CACNA1E: variants seen among roughly 807,000 people sequenced by gnomAD.
The protein encoded by CACNA1E is calcium voltage-gated channel subunit alpha1 E.
CACNA1E carries 40 observed loss-of-function variants against 259.2 expected under a neutral mutation model. The ratio of observed to expected loss-of-function variants is 0.15; its 90% confidence interval spans 0.12 to 0.20. The LOEUF is 0.20. Among genes scored for constraint, CACNA1E ranks in the 10% least tolerant of loss-of-function variants. CACNA1E has a pLI of 1.00. For missense variants in CACNA1E, 1,874 were observed against 3,040.1 expected, an observed-to-expected ratio of 0.62 and a Z score of 9.02; for synonymous variants, 1,104 against 1,138.5, an observed-to-expected ratio of 0.97 and a Z score of 0.61.
At chr1:181,374,526 G>A (rs1025783235) in intron 1 of CACNA1E, among the ~76,000 whole-genome samples, 2 of 151,892 alleles carry the variant, frequency 1.3e-5, no homozygotes, top group Admixed American at 6.6e-5. Flanking sequence ...GCAGTGATAC[G>A]ATCATGCCTA....
intron 7 of CACNA1E, among the ~76,000 whole-genome samples, chr1:181,692,008 C>A (rs1558271601): frequency 6.6e-6 from 1 of 152,106 alleles, no homozygotes. Flanking sequence ...AGTAGCATTT[C>A]TATACATCAG....
chr1:181,587,913 T>C (rs1652247378), intron 6 of CACNA1E, among the ~76,000 whole-genome samples: 1 of 152,082 alleles, frequency 6.6e-6, no homozygotes, highest in Admixed American at 6.5e-5. Flanking sequence ...AAGAAAGAAA[T>C]GTACTCTTGA....
At chr1:181,413,882 T>A (rs1298416160) in intron 2 of CACNA1E, among the ~76,000 whole-genome samples, 1 of 152,188 alleles carries the variant, frequency 6.6e-6, no homozygotes, top group Non-Finnish European at 1.5e-5. Flanking sequence ...AGAACTGGGG[T>A]CTGTTTCATT....
intron 36 of CACNA1E, 61 bp from the exon 37 acceptor site, chr1:181,772,005 C>A: frequency 6.6e-7 from 1 of 1,508,120 alleles, no homozygotes. Context: ...GGAAAGAGGA[C>A]CAAGAATATG....
intron 1 of CACNA1E, among the ~76,000 whole-genome samples, chr1:181,410,337 C>T (rs1657756732): frequency 6.6e-6 from 1 of 152,214 alleles, no homozygotes; most frequent in African/African-American, 2.4e-5. Context: ...TATCTTCCTT[C>T]TCCCTGATCC....
chr1:181,657,313 G>A (rs541721211), intron 7 of CACNA1E, among the ~76,000 whole-genome samples: 1 of 152,080 alleles, frequency 6.6e-6, no homozygotes, highest in Non-Finnish European at 1.5e-5. Context: ...GTCAAAGACT[G>A]AAATCTTAGG....
At position 181,321,477 on chromosome 1, in the gene CACNA1E, T is replaced by C. The variant is rs540148599; in HGVS notation, c.-15+3354T>C. On this transcript the variant is annotated intron_variant, in intron 1 of 11. Coordinates refer to the CACNA1E transcript ENST00000524607. ...TGCTTCTCTCAGGATCATAGTCAGGTGAATCCAGTTGTCTCAGAGACTGAC... is the reference window on the plus strand; with the variant it reads ...TGCTTCTCTCAGGATCATAGTCAGGCGAATCCAGTTGTCTCAGAGACTGAC... 2.0e-5 allele frequency among the ~76,000 whole-genome samples: 3 copies of C among 152,312 alleles called. No individual in the cohort carries two copies. The South Asian group carries it at 6.2e-4, about 32-fold the overall frequency.
chr1:181,722,715 G>A lies in CACNA1E; in HGVS notation c.2074+840G>A, dbSNP rs563364502. Among the ~76,000 whole-genome samples, 24 of 152,266 alleles carry A rather than the reference G, an allele frequency of 1.6e-4. No homozygotes were observed. In the Middle Eastern group the frequency reaches 0.017, roughly 108 times the overall value. ...ACTGTTAGATGCTTTTGGGGAGTTG[G>A]GTTGGCCGTGAATTGGGATTAGTAG... is the stretch of plus-strand genomic sequence containing the variant. On this transcript the variant is annotated intron_variant, in intron 16 of 47. Coordinates refer to ENST00000367573, the MANE Select transcript of CACNA1E (RefSeq NM_001205293.3).
chr1:181,444,619 G>A (rs1019857591), intron 2 of CACNA1E, among the ~76,000 whole-genome samples: 6 of 152,190 alleles, frequency 3.9e-5, no homozygotes, highest in African/African-American at 1.4e-4. Flanking sequence ...ATAGTTTGGG[G>A]AAGATAATTT....
chr1:181,736,161 G>C, intron 21 of CACNA1E, 114 bp from the exon 22 acceptor site: 1 of 1,279,498 alleles, frequency 7.8e-7, no homozygotes, highest in Non-Finnish European at 1.1e-6. Context: ...CACCTTGTTA[G>C]GGACATCCCT....
rs148153320 is a variant in CACNA1E, at chr1:181,343,155, C to T, written c.-15+25032C>T. 6.6e-5 allele frequency among the ~76,000 whole-genome samples: 10 copies of T among 151,916 alleles called. No homozygotes were observed. The East Asian group carries it at 2.0e-3, about 30-fold the overall frequency. On this transcript the variant is annotated intron_variant, in intron 1 of 11. Coordinates refer to the CACNA1E transcript ENST00000524607. ...TTGAGCAACTGGGTAGATGAGGGTC[C>T]ATTCACTGACAAGGAGAAGACTGGG...
At chr1:181,637,436 C>CTCCT (rs1491320938) in intron 6 of CACNA1E, among the ~76,000 whole-genome samples, 5 of 6,128 alleles carry the variant, frequency 8.2e-4, no homozygotes, top group South Asian at 6.3e-3. Flanking sequence ...CCCTCCTTCC[C>CTCCT]TCCCTCCCTC....
At chr1:181,683,569 T>C (rs1237214364) in intron 7 of CACNA1E, among the ~76,000 whole-genome samples, 1 of 152,214 alleles carries the variant, frequency 6.6e-6, no homozygotes, top group Non-Finnish European at 1.5e-5. Flanking sequence ...ATAGGGAGTT[T>C]ATCATTCCTC....
intron 7 of CACNA1E, among the ~76,000 whole-genome samples, chr1:181,678,415 C>A (rs991221169): frequency 3.3e-5 from 5 of 152,142 alleles, no homozygotes; most frequent in African/African-American, 1.2e-4. Context: ...GGAGCAGTAG[C>A]AATGGGCTAT....
intron 6 of CACNA1E, among the ~76,000 whole-genome samples, chr1:181,649,834 A>G (rs576442277): frequency 2.2e-4 from 33 of 152,238 alleles, no homozygotes; most frequent in African/African-American, 7.2e-4. Context: ...GAGGAACAAC[A>G]CACTGGAGTC....
At chr1:181,374,982 G>C (rs1654990012) in intron 1 of CACNA1E, among the ~76,000 whole-genome samples, 1 of 152,082 alleles carries the variant, frequency 6.6e-6, no homozygotes, top group Non-Finnish European at 1.5e-5. Flanking sequence ...AAAAGGATTA[G>C]GATTAGTAGG....
chr1:181,467,428 G>C (rs1012346227), intron 2 of CACNA1E, among the ~76,000 whole-genome samples: 4 of 152,174 alleles, frequency 2.6e-5, no homozygotes, highest in African/African-American at 7.2e-5. Flanking sequence ...GTTTTGCAGG[G>C]CTTGTGACCA....
At chr1:181,454,294 AGG>A (rs1031675919) in intron 2 of CACNA1E, among the ~76,000 whole-genome samples, 7 of 152,216 alleles carry the variant, frequency 4.6e-5, no homozygotes, top group Non-Finnish European at 2.9e-5. Context: ...CAGAGCCTCC[AGG>A]GGACCTTGGA....
intron 2 of CACNA1E, among the ~76,000 whole-genome samples, chr1:181,429,576 G>C (rs1329364524): frequency 2.0e-5 from 3 of 152,212 alleles, no homozygotes; most frequent in African/African-American, 7.2e-5. Flanking sequence ...TTGCTCAGGA[G>C]CCTGGGCACA....
Sources: allele counts gnomAD v4.1 joint callset (sites outside exome capture counted in the v4.1 genomes callset), GRCh38; gene constraint gnomAD v4.1.1; transcripts MANE v1.5; gene names NCBI Gene and HGNC (gene_info 2026-07-23, HGNC 2026-07-21).